Variants in EXD3 observed in about 807,000 individuals in gnomAD.
EXD3 encodes exonuclease 3'-5' domain containing 3.
Under a neutral mutation model 98.0 loss-of-function variants are expected in EXD3, and 92 were observed. The ratio of observed to expected loss-of-function variants is 0.94; its 90% CI spans 0.79 to 1.12. EXD3 has a LOEUF of 1.12. Ranked by LOEUF, EXD3 falls within the 50% of genes most tolerant of loss-of-function variation. EXD3 has a pLI of 0.00. For synonymous variants in EXD3, 569 were observed against 526.0 expected (o/e 1.08, Z -1.12); for missense variants, 1,222 against 1,191.6 (o/e 1.03, Z -0.38).
At position 137,349,652 on chromosome 9, in the gene EXD3, C is replaced by T; in HGVS notation, c.1495-121G>A. On this transcript the variant is annotated intron_variant, in intron 14 of 21. Coordinates refer to ENST00000340951, the MANE Select transcript of EXD3 (RefSeq NM_017820.5). This position sits in a 1 kb window ranked among gnomAD's most constrained non-coding sequence, Gnocchi z 7.4. ...AGGCCCCGCCCCCTCCACCAGCGGC[C>T]CCCACAGCAGAGACGGGGAGAAGGA... is the stretch of plus-strand genomic sequence containing the variant. 5.6e-6 allele frequency: 6 copies of T among 1,077,732 alleles called. No individual in the cohort carries two copies. Among genetic ancestry groups the T allele is most frequent in the Non-Finnish European group, 7.6e-6 (6 of 789,468 alleles). The allele number at this position is 1,077,732 out of a possible 1,614,324, so 66.8% of individuals were successfully genotyped here.
rs1834109637 is a variant in EXD3 at position 137,349,119 on chromosome 9, T to G, written c.1821A>C (p.Ala607=). 4 of 1,595,086 alleles carry G rather than the reference T, an allele frequency of 2.5e-6. No homozygotes were observed. The highest frequency in any genetic ancestry group is 3.4e-6 in the Non-Finnish European group (4 of 1,176,522). Residue 607 remains alanine (A), a synonymous_variant, in exon 16 of 22, where the codon GCA becomes GCC. Coordinates refer to ENST00000340951, the MANE Select transcript of EXD3 (RefSeq NM_017820.5). The surrounding 1 kb of genome is among the most constrained non-coding windows in gnomAD (Gnocchi z 7.4). The stretch of plus-strand genomic sequence containing the variant: ...GCGGGGCTTCACCCACCTGCCTGGG[T>G]GCGGCCGGTGCTGACGCTTTCTGCA... The part of the protein sequence containing the change: ...PGLQKASAPA[A]PRQVPVAVAV...
intron 10 of EXD3, chr9:137,354,016 C>T (rs1048560908): frequency 4.3e-6 from 5 of 1,165,338 alleles, no homozygotes; most frequent in Non-Finnish European, 5.3e-6. Flanking sequence ...GCCCAGGCGC[C>T]TTGCACCTCT....
chr9:137,347,081 A>G lies in EXD3; in HGVS notation c.1998+990T>C, dbSNP rs1429965501. Reference sequence around the variant, plus strand: ...CACCCGCCTCGGCCTCCCAGAGTGCAGGGATTACAGGCGTGAGCACCCAGC... The same window carrying G: ...CACCCGCCTCGGCCTCCCAGAGTGCGGGGATTACAGGCGTGAGCACCCAGC... On this transcript the variant is annotated intron_variant, in intron 17 of 21. Transcript: ENST00000340951. This position sits in a 1 kb window ranked among gnomAD's most constrained non-coding sequence, Gnocchi z 4.2. Among the ~76,000 whole-genome samples, 1 of 152,064 alleles carries G rather than the reference A, an allele frequency of 6.6e-6. No homozygotes were observed. Among genetic ancestry groups the G allele is most frequent in the Non-Finnish European group, 1.5e-5 (1 of 68,000 alleles).
In EXD3 at chr9:137,324,981, C is replaced by T. The variant is rs1384455097; in HGVS notation, c.1999-838G>A. On this transcript the variant is annotated intron_variant, in intron 17 of 21. Transcript: ENST00000340951. This position sits in a 1 kb window ranked among gnomAD's most constrained non-coding sequence, Gnocchi z 4.1. ...TGCTGGGATTACAGGTGTGAGTCAC[C>T]GCGCCTGGCCAAAATTAAGCATATT... 2.0e-5 allele frequency among the ~76,000 whole-genome samples: 3 copies of T among 152,074 alleles called. No individual in the cohort carries two copies. Among genetic ancestry groups the T allele is most frequent in the South Asian group, 2.1e-4 (1 of 4,830 alleles).
intron 1 of EXD3, among the ~76,000 whole-genome samples, chr9:137,416,723 T>C (rs1041248336): frequency 2.0e-5 from 3 of 152,112 alleles, no homozygotes; most frequent in Admixed American, 6.5e-5. Context: ...CACCAGGCGG[T>C]TCCAGGACCT....
rs948404649 is a variant in EXD3 at position 137,347,574 on chromosome 9, G to A, written c.1998+497C>T. The stretch of plus-strand genomic sequence containing the variant: ...TTCTCGTGTCTCAGCCTCCTGAGTA[G>A]TTGGGATTACAGGCGCCCGCCACTA... On this transcript the variant is annotated intron_variant, in intron 17 of 21. Transcript: ENST00000340951. This position sits in a 1 kb window ranked among gnomAD's most constrained non-coding sequence, Gnocchi z 4.2. Among the ~76,000 whole-genome samples the A allele has an allele frequency of 1.3e-5, 2 of 151,868 alleles. No individual in the cohort carries two copies. The highest frequency in any genetic ancestry group is 2.9e-5 in the Non-Finnish European group (2 of 67,942).
At position 137,403,412 on chromosome 9, in the gene EXD3, C is replaced by T. The variant is rs1327953324; in HGVS notation, c.-47-8008G>A. ...GACCCCGTTCCTCTGTAGCCCTCCC[C>T]ACCCCCAGCCCAGCAGCAGCAGCAG... On this transcript the variant is annotated intron_variant, in intron 1 of 21. Coordinates refer to ENST00000340951, the MANE Select transcript of EXD3 (RefSeq NM_017820.5). The surrounding 1 kb of genome is among the most constrained non-coding windows in gnomAD (Gnocchi z 6.1). Among the ~76,000 whole-genome samples the T allele has an allele frequency of 2.5e-5, 1 of 40,244 alleles. No homozygotes were observed. Among genetic ancestry groups the T allele is most frequent in the African/African-American group, 1.0e-4 (1 of 9,826 alleles). The allele number at this position is 40,244 out of a possible 152,430, so 26.4% of individuals were successfully genotyped here.
At chr9:137,329,033 G>A (rs370626640) in intron 17 of EXD3, among the ~76,000 whole-genome samples, 3 of 21,302 alleles carry the variant, frequency 1.4e-4, no homozygotes, top group African/African-American at 4.1e-4. Context: ...GCTACACGGG[G>A]CTACACGGGG....
At chr9:137,388,796 A>T (rs1181160994) in intron 2 of EXD3, among the ~76,000 whole-genome samples, 1 of 152,164 alleles carries the variant, frequency 6.6e-6, no homozygotes, top group Non-Finnish European at 1.5e-5. Context: ...CACACCTGCC[A>T]GCAGCATCAG....
At chr9:137,308,039 C>T (rs539055338) in intron 20 of EXD3, among the ~76,000 whole-genome samples, 1 of 11,406 alleles carries the variant, frequency 8.8e-5, no homozygotes, top group Non-Finnish European at 2.3e-4. Flanking sequence ...CAAGGGTGGG[C>T]GGGTGGGCAG....
chr9:137,309,383 C>T (rs1831239799), intron 20 of EXD3, among the ~76,000 whole-genome samples: 1 of 152,198 alleles, frequency 6.6e-6, no homozygotes. Flanking sequence ...TTCTGGTCTG[C>T]TACCACACAG....
At position 137,373,081 on chromosome 9, in the gene EXD3, G is replaced by C. The variant is rs1225783864; in HGVS notation, c.295-9C>G. On this transcript the variant is annotated splice_polypyrimidine_tract_variant and intron_variant, in intron 4 of 21. Coordinates refer to ENST00000340951, the MANE Select transcript of EXD3 (RefSeq NM_017820.5). ...TTCAGCCTCAGGCTGTGCTGGAAGA[G>C]CAGGGACCCAGACTTACTGGACGCA... 6.4e-7 allele frequency: 1 copy of C among 1,557,886 alleles called. No individual in the cohort carries two copies. The highest frequency in any genetic ancestry group is 1.2e-5 in the South Asian group (1 of 83,598).
At chr9:137,356,224 G>T (rs1162608362) in intron 8 of EXD3, 44 bp downstream of exon 8, 1 of 1,446,928 alleles carries the variant, frequency 6.9e-7, no homozygotes. Context: ...ACGCTTGGCG[G>T]CTCTCCCTGG....
At chr9:137,384,622 T>C (rs942010208) in intron 2 of EXD3, among the ~76,000 whole-genome samples, 2 of 152,216 alleles carry the variant, frequency 1.3e-5, no homozygotes, top group Non-Finnish European at 2.9e-5. Context: ...GACAATGTGA[T>C]TGATTACACA....
intron 19 of EXD3, 96 bp from the exon 20 acceptor site, chr9:137,309,796 C>T (rs1831268427): frequency 3.3e-6 from 3 of 900,004 alleles, no homozygotes; most frequent in African/African-American, 1.6e-5. Context: ...TGGGTCTGGC[C>T]ATGGGGTTTC....
rs542445427 is a variant in EXD3 at position 137,307,132 on chromosome 9, G to A, written c.2449C>T (p.Pro817Ser). The change falls in exon 22 of 22, where the codon CCG becomes TCG. Residue 817 changes from proline (P) to serine (S), a missense_variant. Transcript: ENST00000340951. ...DGTRLQLAGV[P>S]VGVLRTPGLR... The stretch of plus-strand genomic sequence containing the variant: ...CCAGGTGTCCTCAGCACACCCACCG[G>A]GACCCCTGCCAGCTGCAGCCGGGTG... 7 of 1,601,436 alleles carry A rather than the reference G, an allele frequency of 4.4e-6. No homozygotes were observed. The highest frequency in any genetic ancestry group is 3.3e-4 in the Middle Eastern group (2 of 6,068).
In EXD3 at chr9:137,419,888, G is replaced by A. The variant is rs201717374; in HGVS notation, c.-48+3226C>T. Among the ~76,000 whole-genome samples the A allele has an allele frequency of 2.8e-4, 42 of 152,206 alleles. No homozygotes were observed. The East Asian group carries it at 5.6e-3, about 20-fold the overall frequency. On this transcript the variant is annotated intron_variant, in intron 1 of 21. Transcript: ENST00000340951. ...CATACAGAAAAAAGCGGCCGGGCGC[G>A]GTGGCTCATGCCTGTAATCCCAGCA...
Position 137,402,874 on chromosome 9 carries a change from T to C in EXD3, c.-47-7470A>G, listed in dbSNP as rs567243867. Among the ~76,000 whole-genome samples, 7 of 152,204 alleles carry C rather than the reference T, an allele frequency of 4.6e-5. No individual in the cohort carries two copies. In the East Asian group the frequency reaches 1.4e-3, roughly 29 times the overall value. On this transcript the variant is annotated intron_variant, in intron 1 of 21. Coordinates refer to ENST00000340951, the MANE Select transcript of EXD3 (RefSeq NM_017820.5). Reference sequence around the variant, plus strand: ...TGGAAGGCGAAAGGCACTTCTTACATGGTGGCAGCAAGAGAAAATGAGGAA... The same window carrying C: ...TGGAAGGCGAAAGGCACTTCTTACACGGTGGCAGCAAGAGAAAATGAGGAA...
chr9:137,381,347 C>T (rs57146412), intron 3 of EXD3: 22,520 of 139,348 alleles, frequency 0.16, 1,955 homozygotes, highest in African/African-American at 0.25. Flanking sequence ...ACCCGGGAGG[C>T]GGAGCTTGCA....
Sources: gnomAD v4.1 joint callset for allele counts (sites outside exome capture counted in the v4.1 genomes callset) on GRCh38, gnomAD v4.1.1 for gene constraint, Gnocchi (gnomAD v3.1) non-coding constraint, MANE v1.5 for transcripts, NCBI Gene and HGNC (gene_info 2026-07-23, HGNC 2026-07-21) for gene names.